The following SMYD3 variants were observed in gnomAD, a reference collection of about 807,000 sequenced individuals.
The protein encoded by SMYD3 is SET and MYND domain containing 3.
Under a neutral mutation model 57.7 loss-of-function variants are expected in SMYD3, and 36 were observed. The ratio of observed to expected loss-of-function variants is 0.62; its 90% CI spans 0.48 to 0.82. The LOEUF is 0.82. Ranked by LOEUF, SMYD3 falls within the 40% of genes least tolerant of loss-of-function variation. The pLI is 0.00. For missense variants in SMYD3, 515 were observed against 538.8 expected, an observed-to-expected ratio of 0.96 and a Z score of 0.44; for synonymous variants, 211 against 195.0, an observed-to-expected ratio of 1.08 and a Z score of -0.68.
chr1:246,080,204 G>A (rs1379582050), intron 5 of SMYD3, among the ~76,000 whole-genome samples: 2 of 133,362 alleles, frequency 1.5e-5, no homozygotes, highest in African/African-American at 6.0e-5. Flanking sequence ...GGCCTGTTAG[G>A]AACTGGGTCA....
At chr1:246,150,227 A>G (rs546788307) in intron 5 of SMYD3, among the ~76,000 whole-genome samples, 1 of 152,352 alleles carries the variant, frequency 6.6e-6, no homozygotes, top group African/African-American at 2.4e-5. Context: ...ACTATAAACT[A>G]TAATATTCCA....
chr1:246,476,954 C>T (rs2068037469), intron 1 of SMYD3, among the ~76,000 whole-genome samples: 1 of 152,196 alleles, frequency 6.6e-6, no homozygotes, highest in African/African-American at 2.4e-5. Context: ...AACACTCTAG[C>T]TCAGCAACTT....
chr1:245,781,188 ACTT>A (rs2046813468), intron 10 of SMYD3, among the ~76,000 whole-genome samples: 1 of 152,178 alleles, frequency 6.6e-6, no homozygotes, highest in Admixed American at 6.5e-5. Flanking sequence ...AACCATAAAA[ACTT>A]CTAAAACTCA....
intron 5 of SMYD3, among the ~76,000 whole-genome samples, chr1:246,077,686 G>C (rs1379515670): frequency 2.0e-5 from 3 of 151,742 alleles, no homozygotes; most frequent in Non-Finnish European, 4.4e-5. Flanking sequence ...GATTTCCTTT[G>C]CAAATTATCC....
intron 5 of SMYD3, among the ~76,000 whole-genome samples, chr1:246,054,425 T>A (rs2148334704): frequency 6.6e-6 from 1 of 152,316 alleles, no homozygotes; most frequent in Admixed American, 6.5e-5. Context: ...ACAGATATTT[T>A]CCTAAGAGAA....
At chr1:245,765,045 T>TACACACAC (rs3085339) in intron 10 of SMYD3, among the ~76,000 whole-genome samples, 77 of 134,822 alleles carry the variant, frequency 5.7e-4, no homozygotes, top group East Asian at 2.3e-3. Flanking sequence ...TGGAAATGCC[T>TACACACAC]ACACACACAC....
chr1:246,122,946 C>G (rs1377939587), intron 5 of SMYD3, among the ~76,000 whole-genome samples: 2 of 152,176 alleles, frequency 1.3e-5, no homozygotes, highest in Non-Finnish European at 2.9e-5. Flanking sequence ...AAGTTTCTGT[C>G]AAGGGAAAAC....
chr1:246,476,942 G>C (rs1159776823), intron 1 of SMYD3, among the ~76,000 whole-genome samples: 1 of 152,114 alleles, frequency 6.6e-6, no homozygotes, highest in Non-Finnish European at 1.5e-5. Flanking sequence ...GCTTGTCTCT[G>C]GAACACTCTA....
At chr1:246,316,269 C>A (rs1425290067) in intron 5 of SMYD3, among the ~76,000 whole-genome samples, 3 of 151,914 alleles carry the variant, frequency 2.0e-5, no homozygotes, top group Non-Finnish European at 4.4e-5. Flanking sequence ...TGTCTGTAGT[C>A]TCAGCTACTC....
chr1:246,029,445 G>A (rs556844015), intron 5 of SMYD3, among the ~76,000 whole-genome samples: 1 of 152,088 alleles, frequency 6.6e-6, no homozygotes, highest in Non-Finnish European at 1.5e-5. Flanking sequence ...ACAGAGGCGG[G>A]CAGATCACCT....
At chr1:245,845,682 G>A (rs1359313960) in intron 10 of SMYD3, among the ~76,000 whole-genome samples, 1 of 152,212 alleles carries the variant, frequency 6.6e-6, no homozygotes, top group African/African-American at 2.4e-5. Flanking sequence ...ACCTGCTCTT[G>A]CAAAGCTCAA....
At chr1:246,378,825 A>T (rs1462988406) in intron 1 of SMYD3, among the ~76,000 whole-genome samples, 2 of 115,656 alleles carry the variant, frequency 1.7e-5, no homozygotes, top group African/African-American at 3.4e-5. Flanking sequence ...ATATATTTAT[A>T]TAGTATATAT....
rs192904686 is a variant in SMYD3, at chr1:246,491,942, C to T, written c.164+15112G>A. Among the ~76,000 whole-genome samples the T allele has an allele frequency of 1.6e-4, 25 of 152,294 alleles. No homozygotes were observed. In the East Asian group the frequency reaches 1.9e-3, roughly 12 times the overall value. On this transcript the variant is annotated intron_variant, in intron 1 of 11. Coordinates refer to ENST00000490107, the MANE Select transcript of SMYD3 (RefSeq NM_001167740.2). ...TCTGAACGCAACTCTGTTCAACTAC[C>T]GATGTGCTCCCTGGCTGGACGGCAG...
chr1:246,443,964 C>T (rs990028966), intron 1 of SMYD3, among the ~76,000 whole-genome samples: 9 of 152,204 alleles, frequency 5.9e-5, no homozygotes, highest in East Asian at 1.9e-4. Flanking sequence ...CCCTCCCTCA[C>T]CACCCATCAC....
At position 246,352,136 on chromosome 1, in the gene SMYD3, C is replaced by CAAA. The variant is rs10581690; in HGVS notation, c.228+2892_228+2894dup. On this transcript the variant is annotated intron_variant, in intron 2 of 11. Transcript: ENST00000490107. Reference sequence around the variant, plus strand: ...TGGGCAGCAGACTAAGACTCTGTCTCAAAAAAAAAAAAAAAAAAAAAAAAA... The same window carrying CAAA: ...TGGGCAGCAGACTAAGACTCTGTCTCAAAAAAAAAAAAAAAAAAAAAAAAAAAA... Among the ~76,000 whole-genome samples the CAAA allele has an allele frequency of 1.2e-3, 72 of 60,474 alleles. 3 individuals are homozygous for CAAA. Among genetic ancestry groups the CAAA allele is most frequent in the East Asian group, 3.5e-3 (5 of 1,428 alleles). 39.7% of individuals were successfully genotyped at this position (60,474 alleles called of 152,430 possible).
chr1:246,327,089 A>G lies in SMYD3; in HGVS notation c.531+112T>C, dbSNP rs2065365907. 7 of 1,287,740 alleles carry G rather than the reference A, an allele frequency of 5.4e-6. No individual in the cohort carries two copies. The African/African-American group carries it at 7.4e-5, about 14-fold the overall frequency. 79.8% of individuals were successfully genotyped at this position (1,287,740 alleles called of 1,614,324 possible). On this transcript the variant is annotated intron_variant, in intron 5 of 11. Transcript: ENST00000490107. ...CTATGATAAGGAAGTAATATAAGGC[A>G]TTAAGGGTCTTGAATTTCCTGTCAA... is the stretch of plus-strand genomic sequence containing the variant.
At chr1:246,364,441 TCA>T (rs2066064202) in intron 1 of SMYD3, among the ~76,000 whole-genome samples, 2 of 152,164 alleles carry the variant, frequency 1.3e-5, no homozygotes. Flanking sequence ...ATCTATTAAC[TCA>T]CACTAAATTT....
In SMYD3 at chr1:245,821,413, T is replaced by A. The variant is rs1477410358; in HGVS notation, c.1076+37083A>T. ...AATCAATTCAAGATTGATTAAAGACTTAAATGTTAGACCTAAAACCATAAA... is the reference window on the plus strand; with the variant it reads ...AATCAATTCAAGATTGATTAAAGACATAAATGTTAGACCTAAAACCATAAA... On this transcript the variant is annotated intron_variant, in intron 10 of 11. Transcript: ENST00000490107. Among the ~76,000 whole-genome samples the A allele has an allele frequency of 1.1e-4, 16 of 150,582 alleles. 1 individual carries two copies. The highest frequency in any genetic ancestry group is 3.0e-5 in the Non-Finnish European group (2 of 67,592).
chr1:245,884,113 A>C (rs1238682531), intron 8 of SMYD3, among the ~76,000 whole-genome samples: 6 of 152,224 alleles, frequency 3.9e-5, no homozygotes, highest in Admixed American at 3.9e-4. Flanking sequence ...GAAGACCTGT[A>C]CAAAACAAAT....
Sources: allele counts gnomAD v4.1 joint callset (sites outside exome capture counted in the v4.1 genomes callset), GRCh38; gene constraint gnomAD v4.1.1; transcripts MANE v1.5; gene names NCBI Gene and HGNC (gene_info 2026-07-23, HGNC 2026-07-21).